Variants in PDE10A observed in about 807,000 individuals in gnomAD.
The protein encoded by PDE10A is cAMP and cAMP-inhibited cGMP 3',5'-cyclic phosphodiesterase 10A.
Under a neutral mutation model 97.7 loss-of-function variants are expected in PDE10A, and 39 were observed. The ratio of observed to expected loss-of-function variants is 0.40; its 90% CI spans 0.31 to 0.52. The LOEUF (loss-of-function observed/expected upper bound fraction) is 0.52, where lower values mean the gene tolerates loss of function less well. PDE10A is among the 20% of genes least tolerant of loss of function. The pLI, the probability that PDE10A is intolerant of heterozygous loss-of-function variation, is 0.56. For synonymous variants in PDE10A, 371 were observed against 376.8 expected (o/e 0.98, Z 0.18); for missense variants, 731 against 1,047.8 (o/e 0.70, Z 4.17).
chr6:165,670,270 T>A (rs1790610800), intron 1 of PDE10A, among the ~76,000 whole-genome samples: 1 of 152,232 alleles, frequency 6.6e-6, no homozygotes, highest in African/African-American at 2.4e-5. Context: ...GCTTGTTTTA[T>A]TGCATGTAAC....
At chr6:165,835,778 G>A (rs1780049061) in intron 1 of PDE10A, among the ~76,000 whole-genome samples, 1 of 152,180 alleles carries the variant, frequency 6.6e-6, no homozygotes, top group South Asian at 2.1e-4. Flanking sequence ...GCAGCGTACA[G>A]GAGGAGGGGG....
chr6:165,933,988 C>CT (rs35582422), intron 1 of PDE10A, among the ~76,000 whole-genome samples: 4,074 of 140,240 alleles, frequency 0.029, 156 homozygotes, highest in African/African-American at 0.093. Context: ...CATCAATTCC[C>CT]TTTTTTTTTT....
chr6:165,812,361 A>G (rs1779305493), intron 1 of PDE10A, among the ~76,000 whole-genome samples: 1 of 152,258 alleles, frequency 6.6e-6, no homozygotes, highest in South Asian at 2.1e-4. Context: ...TGTTTAAACA[A>G]AAAATAACTT....
Position 165,594,242 on chromosome 6 carries a change from T to C in PDE10A, c.866-50674A>G, listed in dbSNP as rs542605814. 2.6e-5 allele frequency among the ~76,000 whole-genome samples: 4 copies of C among 152,204 alleles called. No individual in the cohort carries two copies. In the South Asian group the frequency reaches 6.2e-4, roughly 24 times the overall value. On this transcript the variant is annotated intron_variant, in intron 1 of 21. Transcript: ENST00000539869. ...GAAGTGGCTGATTCCAGGTCTGAAA[T>C]AGGAACATACAAAGTAAATAAGGGA...
chr6:165,840,748 T>C (rs1286194810), intron 1 of PDE10A, among the ~76,000 whole-genome samples: 2 of 152,234 alleles, frequency 1.3e-5, no homozygotes, highest in African/African-American at 2.4e-5. Context: ...TGTCTACTTT[T>C]TAGTAAAAGA....
At chr6:165,860,534 G>T (rs111581565) in intron 1 of PDE10A, among the ~76,000 whole-genome samples, 4 of 152,292 alleles carry the variant, frequency 2.6e-5, no homozygotes, top group African/African-American at 9.6e-5. Flanking sequence ...TTTACAGTGT[G>T]AGCTGGAACA....
At chr6:165,490,986 G>A (rs1459307537) in intron 2 of PDE10A, among the ~76,000 whole-genome samples, 1 of 151,994 alleles carries the variant, frequency 6.6e-6, no homozygotes, top group African/African-American at 2.4e-5. Flanking sequence ...CACAAACCAA[G>A]TATCTGCTCT....
At chr6:165,752,810 C>T (rs565760889) in intron 1 of PDE10A, among the ~76,000 whole-genome samples, 4 of 152,272 alleles carry the variant, frequency 2.6e-5, no homozygotes, top group African/African-American at 7.2e-5. Flanking sequence ...AAGAAGGAAA[C>T]GCTATGCAGA....
chr6:165,619,159 G>GTAGTGTAGTGTAGTC (rs1325320687), intron 1 of PDE10A, among the ~76,000 whole-genome samples: 6 of 121,082 alleles, frequency 5.0e-5, no homozygotes, highest in South Asian at 2.5e-4. Flanking sequence ...GTCGTGTAGT[G>GTAGTGTAGTGTAGTC]TAGTGTAGTG....
chr6:165,615,621 G>A (rs61378797), intron 1 of PDE10A, among the ~76,000 whole-genome samples: 1,730 of 152,248 alleles, frequency 0.011, 32 homozygotes, highest in African/African-American at 0.039. Context: ...AATATTTAAA[G>A]TAAGTTTTAT....
intron 1 of PDE10A, among the ~76,000 whole-genome samples, chr6:165,600,983 GT>G (rs1365384642): frequency 6.6e-6 from 1 of 152,158 alleles, no homozygotes; most frequent in Non-Finnish European, 1.5e-5. Context: ...ATGTTACATG[GT>G]TTGGCTACGT....
rs56006609 is a variant in PDE10A at position 165,482,209 on chromosome 6, T to G, written c.1023+106A>C. The stretch of plus-strand genomic sequence containing the variant: ...ATACTTTGGAGAGGAAACTCAGTTT[T>G]TGCCATAATCTTTCTGATACTTTAA... On this transcript the variant is annotated intron_variant, in intron 3 of 21. Coordinates refer to ENST00000539869, the MANE Select transcript of PDE10A (RefSeq NM_001385079.1). 4.4e-3 allele frequency: 3,638 copies of G among 827,022 alleles called. 86 individuals carry two copies. The African/African-American group carries it at 0.054, about 12-fold the overall frequency. 51.2% of individuals were successfully genotyped at this position (827,022 alleles called of 1,614,324 possible).
chr6:165,621,208 G>C (rs192531198), intron 1 of PDE10A, among the ~76,000 whole-genome samples: 1 of 150,206 alleles, frequency 6.7e-6, no homozygotes, highest in African/African-American at 2.5e-5. Context: ...ATTAAGTTCA[G>C]TATATTTTAA....
intron 1 of PDE10A, among the ~76,000 whole-genome samples, chr6:165,859,674 T>C (rs1263443740): frequency 6.6e-6 from 1 of 152,234 alleles, no homozygotes; most frequent in Non-Finnish European, 1.5e-5. Flanking sequence ...TTTTTAAAAA[T>C]GTTTTTTCTC....
intron 18 of PDE10A, among the ~76,000 whole-genome samples, chr6:165,343,717 A>T (rs143025308): frequency 6.6e-6 from 1 of 152,298 alleles, no homozygotes; most frequent in Non-Finnish European, 1.5e-5. Flanking sequence ...TCCCGTGAGG[A>T]GTGCATCATA....
chr6:165,527,358 G>A (rs1468220131), intron 2 of PDE10A, among the ~76,000 whole-genome samples: 3 of 152,182 alleles, frequency 2.0e-5, no homozygotes, highest in Non-Finnish European at 4.4e-5. Context: ...CATGCAAGCT[G>A]CTCTGCCACT....
rs550454265 is a variant in PDE10A at position 165,360,199 on chromosome 6, C to T, written c.2784-16697G>A. On this transcript the variant is annotated intron_variant, in intron 18 of 21. Coordinates refer to ENST00000539869, the MANE Select transcript of PDE10A (RefSeq NM_001385079.1). ...AATACTGTGTGATCCCTACAATCTC[C>T]GTGGGATGCTTAACTCTGCACACTG... is the stretch of plus-strand genomic sequence containing the variant. 7.9e-5 allele frequency among the ~76,000 whole-genome samples: 12 copies of T among 152,264 alleles called. No individual in the cohort carries two copies. In the East Asian group the frequency reaches 1.4e-3, roughly 17 times the overall value.
At chr6:165,466,808 G>C (rs1400221047) in intron 3 of PDE10A, among the ~76,000 whole-genome samples, 1 of 152,076 alleles carries the variant, frequency 6.6e-6, no homozygotes, top group Non-Finnish European at 1.5e-5. Context: ...TCAAGTGAAA[G>C]AAAGAGTCAC....
At chr6:165,407,502 C>T (rs1309845139) in intron 13 of PDE10A, among the ~76,000 whole-genome samples, 2 of 152,140 alleles carry the variant, frequency 1.3e-5, no homozygotes, top group Admixed American at 1.3e-4. Context: ...ACAATAAAGC[C>T]TTATATCAAA....
Sources: allele counts gnomAD v4.1 joint callset (sites outside exome capture counted in the v4.1 genomes callset), GRCh38; gene constraint gnomAD v4.1.1; transcripts MANE v1.5; gene names NCBI Gene and HGNC (gene_info 2026-07-23, HGNC 2026-07-21).